The following XKR9 variants were observed in gnomAD, a reference collection of about 807,000 sequenced individuals.
XKR9 encodes XK-related protein 9.
XKR9 carries 32 observed loss-of-function variants against 32.0 expected under a neutral mutation model. The observed-to-expected ratio is 1.00, with a 90% CI of 0.76 to 1.34. The LOEUF (loss-of-function observed/expected upper bound fraction) is 1.34, where lower values mean the gene tolerates loss of function less well. Among genes scored for constraint, XKR9 ranks in the 40% most tolerant of loss-of-function variants. The pLI, the probability that XKR9 is intolerant of heterozygous loss-of-function variation, is 0.00. For missense variants in XKR9, 546 were observed against 429.7 expected (o/e 1.27, Z -2.39); for synonymous variants, 168 against 143.4 (o/e 1.17, Z -1.22).
chr8:70,706,925 C>T lies in XKR9; in HGVS notation c.273-8C>T, dbSNP rs753403998. On this transcript the variant is annotated splice_region_variant and splice_polypyrimidine_tract_variant and intron_variant, in intron 3 of 4. Transcript: ENST00000408926. ...AACTAAAGAGAAATGTTTATGTTTA[C>T]TTTATAGGTATTGGTTTGCCTTAAA... 2 of 1,598,138 alleles carry T rather than the reference C, an allele frequency of 1.3e-6. No homozygotes were observed. The highest frequency in any genetic ancestry group is 3.4e-5 in the Admixed American group (2 of 58,770).
the XKR9 span, among the ~76,000 whole-genome samples, chr8:70,985,723 G>A: frequency 6.6e-6 from 1 of 151,402 alleles, no homozygotes; most frequent in Non-Finnish European, 1.5e-5. Flanking sequence ...CTTTTCTGAA[G>A]AGAATTAAAA....
the XKR9 span, among the ~76,000 whole-genome samples, chr8:70,889,098 C>T: frequency 2.6e-5 from 4 of 151,718 alleles, no homozygotes; most frequent in African/African-American, 4.8e-5. Context: ...GATTTCTTCT[C>T]ATTTTTTTGT....
the XKR9 span, among the ~76,000 whole-genome samples, chr8:70,857,699 C>T: frequency 6.6e-6 from 1 of 152,012 alleles, no homozygotes; most frequent in African/African-American, 2.4e-5. Flanking sequence ...TGATGAACAC[C>T]GATGTAAAAA....
At chr8:70,872,220 T>G in the XKR9 span, among the ~76,000 whole-genome samples, 2 of 152,228 alleles carry the variant, frequency 1.3e-5, no homozygotes, top group East Asian at 3.8e-4. Flanking sequence ...GCCTTATTGA[T>G]TATATGAACA....
the XKR9 span, among the ~76,000 whole-genome samples, chr8:71,036,156 A>G: frequency 4.6e-5 from 7 of 152,142 alleles, no homozygotes; most frequent in African/African-American, 1.4e-4. Context: ...TTTTTCTCCT[A>G]TTAATCTGCC....
intron 2 of XKR9, among the ~76,000 whole-genome samples, chr8:70,760,107 A>G (rs1807287818): frequency 6.6e-6 from 1 of 152,350 alleles, no homozygotes; most frequent in Admixed American, 6.5e-5. Context: ...ATATTTATTC[A>G]GTTATCAAAT....
chr8:70,815,061 G>C, the XKR9 span, among the ~76,000 whole-genome samples: 1 of 151,884 alleles, frequency 6.6e-6, no homozygotes, highest in Non-Finnish European at 1.5e-5. Context: ...AAGGACAAGT[G>C]TAAAGCACTG....
At chr8:70,807,616 G>A in the XKR9 span, among the ~76,000 whole-genome samples, 1 of 151,972 alleles carries the variant, frequency 6.6e-6, no homozygotes, top group Non-Finnish European at 1.5e-5. Flanking sequence ...TGCAATCCTA[G>A]TCTCTGACAA....
chr8:70,916,658 G>A, the XKR9 span, among the ~76,000 whole-genome samples: 1 of 152,002 alleles, frequency 6.6e-6, no homozygotes, highest in Non-Finnish European at 1.5e-5. Flanking sequence ...AAAAATTTTA[G>A]AATCAGTTCA....
the XKR9 span, among the ~76,000 whole-genome samples, chr8:70,805,882 A>G: frequency 2.0e-5 from 3 of 151,996 alleles, no homozygotes; most frequent in African/African-American, 7.3e-5. Flanking sequence ...AGTGAAGCAC[A>G]CCCCCTCCAC....
At chr8:70,699,236 T>G (rs535046346) in intron 3 of XKR9, among the ~76,000 whole-genome samples, 35 of 152,330 alleles carry the variant, frequency 2.3e-4, no homozygotes, top group African/African-American at 8.4e-4. Context: ...TGATGTTAGC[T>G]GTTTATTTTG....
At chr8:70,971,151 G>A in the XKR9 span, among the ~76,000 whole-genome samples, 1 of 151,928 alleles carries the variant, frequency 6.6e-6, no homozygotes, top group Non-Finnish European at 1.5e-5. Flanking sequence ...TTTTATTATA[G>A]CCTTTTTTTG....
chr8:71,039,181 G>A, the XKR9 span, among the ~76,000 whole-genome samples: 3 of 152,094 alleles, frequency 2.0e-5, no homozygotes, highest in African/African-American at 7.2e-5. Context: ...TTCTACAAAG[G>A]TGGTTAGACA....
At chr8:70,877,892 G>A in the XKR9 span, among the ~76,000 whole-genome samples, 2 of 152,214 alleles carry the variant, frequency 1.3e-5, no homozygotes, top group East Asian at 3.8e-4. Flanking sequence ...AGGAAAAAGT[G>A]TTAAGGGCAG....
At chr8:70,875,599 T>A in the XKR9 span, among the ~76,000 whole-genome samples, 3 of 152,190 alleles carry the variant, frequency 2.0e-5, no homozygotes, top group Non-Finnish European at 4.4e-5. Flanking sequence ...ATGGTTAATA[T>A]CTGCCAAGGG....
At chr8:71,006,476 G>A in the XKR9 span, among the ~76,000 whole-genome samples, 1 of 152,310 alleles carries the variant, frequency 6.6e-6, no homozygotes, top group African/African-American at 2.4e-5. Context: ...GGGACACAAT[G>A]GTAGTGGATA....
At chr8:70,704,289 T>C (rs1805643749) in intron 3 of XKR9, among the ~76,000 whole-genome samples, 2 of 152,176 alleles carry the variant, frequency 1.3e-5, no homozygotes, top group African/African-American at 4.8e-5. Flanking sequence ...TCCATGAAAT[T>C]ACCCTCAGAT....
the XKR9 span, among the ~76,000 whole-genome samples, chr8:70,896,319 A>G: frequency 6.6e-6 from 1 of 152,168 alleles, no homozygotes; most frequent in Non-Finnish European, 1.5e-5. Context: ...GAAATTGCCA[A>G]TGAAATTATC....
the XKR9 span, among the ~76,000 whole-genome samples, chr8:70,806,241 CCCCACAGAAA>C: frequency 6.6e-6 from 1 of 151,832 alleles, no homozygotes; most frequent in African/African-American, 2.4e-5. Flanking sequence ...ACAAAGAAGT[CCCCACAGAAA>C]CCCATTCCAA....
Sources: allele counts gnomAD v4.1 joint callset (sites outside exome capture counted in the v4.1 genomes callset), GRCh38; gene constraint gnomAD v4.1.1; transcripts MANE v1.5; gene names NCBI Gene and HGNC (gene_info 2026-07-23, HGNC 2026-07-21).